The following TAS2R1 variants were observed in gnomAD, a reference collection of about 807,000 sequenced individuals.
TAS2R1 encodes taste receptor type 2 member 1.
For synonymous variants in TAS2R1, 141 were observed against 134.2 expected, an observed-to-expected ratio of 1.05 and a Z score of -0.35; for missense variants, 370 against 353.4, an observed-to-expected ratio of 1.05 and a Z score of -0.38.
chr5:9,804,849 C>G, the TAS2R1 span, among the ~76,000 whole-genome samples: 1 of 151,868 alleles, frequency 6.6e-6, no homozygotes, highest in African/African-American at 2.4e-5. Context: ...GAAACAAGAA[C>G]AAACAAAACC....
At chr5:9,718,311 GCAA>G in the TAS2R1 span, among the ~76,000 whole-genome samples, 1 of 151,216 alleles carries the variant, frequency 6.6e-6, no homozygotes, top group African/African-American at 2.4e-5. Context: ...AGAAAAATTT[GCAA>G]CATACATTGC....
chr5:9,853,380 C>A, the TAS2R1 span, among the ~76,000 whole-genome samples: 1 of 152,194 alleles, frequency 6.6e-6, no homozygotes, highest in East Asian at 1.9e-4. Context: ...CTTTTAATTA[C>A]ATGCCAATTA....
In TAS2R1 at chr5:9,630,201, CTATT is replaced by C. The variant is rs1296592814; in HGVS notation, c.-173_-170del. On this transcript the variant is annotated 5_prime_UTR_variant, in exon 1 of 1. Coordinates refer to ENST00000382492, the MANE Select transcript of TAS2R1 (RefSeq NM_019599.3). ...ACATTTGTTTATGTCACTGCTTTCTCTATTTAGTTCTGAGACAGTCAAATAAGGA... is the reference window on the plus strand; with the variant it reads ...ACATTTGTTTATGTCACTGCTTTCTCTAGTTCTGAGACAGTCAAATAAGGA... The C allele has an allele frequency of 1.3e-5, 7 of 518,986 alleles. No individual in the cohort carries two copies. Among genetic ancestry groups the C allele is most frequent in the Admixed American group, 7.4e-5 (2 of 26,882 alleles). The allele number at this position is 518,986 out of a possible 1,614,324, so 32.1% of individuals were successfully genotyped here. A position where few individuals can be genotyped will look rare whatever the true frequency, so the allele number is the denominator to read the frequency against.
At chr5:9,646,517 G>A (rs1458677567) in intron 2 of TAS2R1, among the ~76,000 whole-genome samples, 1 of 152,122 alleles carries the variant, frequency 6.6e-6, no homozygotes, top group Non-Finnish European at 1.5e-5. Context: ...TTTCTGCCCT[G>A]GTCCAAACTC....
chr5:9,799,616 A>C, the TAS2R1 span, among the ~76,000 whole-genome samples: 1 of 152,224 alleles, frequency 6.6e-6, no homozygotes, highest in South Asian at 2.1e-4. Context: ...CTCTGAAATA[A>C]TTTGCAACTC....
chr5:9,799,928 A>G, the TAS2R1 span, among the ~76,000 whole-genome samples: 39 of 152,366 alleles, frequency 2.6e-4, no homozygotes, highest in Non-Finnish European at 5.3e-4. Flanking sequence ...TTATCATAAA[A>G]AAATCCCACA....
At chr5:9,699,423 T>C (rs1315243620) in intron 1 of TAS2R1, among the ~76,000 whole-genome samples, 1 of 152,214 alleles carries the variant, frequency 6.6e-6, no homozygotes, top group Non-Finnish European at 1.5e-5. Context: ...GGATGATTTA[T>C]ATGAGTTGAA....
chr5:9,792,823 T>C, the TAS2R1 span, among the ~76,000 whole-genome samples: 8 of 152,206 alleles, frequency 5.3e-5, no homozygotes, highest in African/African-American at 1.7e-4. Context: ...GGCCTCTATA[T>C]GATCTTTCTT....
chr5:9,856,500 TAAAGG>T, the TAS2R1 span, among the ~76,000 whole-genome samples: 1 of 152,156 alleles, frequency 6.6e-6, no homozygotes, highest in Non-Finnish European at 1.5e-5. Flanking sequence ...GAGTAGGTAT[TAAAGG>T]AAAAGAAAGA....
chr5:9,763,958 C>T, the TAS2R1 span, among the ~76,000 whole-genome samples: 3 of 152,156 alleles, frequency 2.0e-5, no homozygotes, highest in Admixed American at 2.0e-4. Context: ...ATGCAAGAAT[C>T]TAATTACTTC....
chr5:9,641,208 A>T (rs1358081528), intron 2 of TAS2R1: 1 of 152,232 alleles, frequency 6.6e-6, no homozygotes, highest in Non-Finnish European at 1.5e-5. Flanking sequence ...ATTTATTAGC[A>T]TGCTATTTGT....
At chr5:9,817,011 T>C in the TAS2R1 span, among the ~76,000 whole-genome samples, 4 of 152,194 alleles carry the variant, frequency 2.6e-5, no homozygotes, top group Non-Finnish European at 4.4e-5. Context: ...AAATTTTAAT[T>C]TTGTTAATTT....
chr5:9,725,306 G>A, the TAS2R1 span, among the ~76,000 whole-genome samples: 2 of 152,346 alleles, frequency 1.3e-5, no homozygotes, highest in Admixed American at 6.5e-5. Context: ...GGGAGGTGTG[G>A]AGGGAGAGGC....
At chr5:9,838,848 C>G in the TAS2R1 span, among the ~76,000 whole-genome samples, 1 of 152,192 alleles carries the variant, frequency 6.6e-6, no homozygotes, top group Non-Finnish European at 1.5e-5. Context: ...GAACACTGAC[C>G]TCCCGTGCTT....
chr5:9,659,982 C>T (rs2126494593), intron 1 of TAS2R1: 1 of 151,874 alleles, frequency 6.6e-6, no homozygotes, highest in East Asian at 1.9e-4. Context: ...GAAGGAGTTC[C>T]TAAATAGGAT....
At chr5:9,830,135 GC>G in the TAS2R1 span, among the ~76,000 whole-genome samples, 1 of 152,036 alleles carries the variant, frequency 6.6e-6, no homozygotes, top group Non-Finnish European at 1.5e-5. Context: ...TACTAGGCCT[GC>G]TCCAAGATTT....
chr5:9,820,938 T>C, the TAS2R1 span, among the ~76,000 whole-genome samples: 1 of 152,064 alleles, frequency 6.6e-6, no homozygotes, highest in South Asian at 2.1e-4. Flanking sequence ...CATCAGCCTA[T>C]ATCCACATGG....
the TAS2R1 span, among the ~76,000 whole-genome samples, chr5:9,755,459 C>CGCCT: frequency 4.0e-5 from 6 of 151,698 alleles, no homozygotes; most frequent in African/African-American, 1.5e-4. Flanking sequence ...TGGTAGCGTG[C>CGCCT]GCCTGTAATC....
chr5:9,869,354 G>A, the TAS2R1 span, among the ~76,000 whole-genome samples: 1 of 152,266 alleles, frequency 6.6e-6, no homozygotes, highest in South Asian at 2.1e-4. Context: ...GAAGAGCAAA[G>A]GCATGGTGGC....
Sources: gnomAD v4.1 joint callset for allele counts (sites outside exome capture counted in the v4.1 genomes callset) on GRCh38, gnomAD v4.1.1 for gene constraint, MANE v1.5 for transcripts, NCBI Gene and HGNC (gene_info 2026-07-23, HGNC 2026-07-21) for gene names.